ATP8B4: variants seen among roughly 807,000 people sequenced by gnomAD.
ATP8B4 encodes probable phospholipid-transporting ATPase IM.
ATP8B4 carries 133 observed loss-of-function variants against 145.6 expected under a neutral mutation model. The ratio of observed to expected loss-of-function variants is 0.91; its 90% CI spans 0.79 to 1.05. The LOEUF is 1.05. Ranked by LOEUF, ATP8B4 falls within the 50% of genes least tolerant of loss-of-function variation. The pLI is 0.00. For missense variants in ATP8B4, 1,458 were observed against 1,425.2 expected, an observed-to-expected ratio of 1.02 and a Z score of -0.37; for synonymous variants, 507 against 492.9, an observed-to-expected ratio of 1.03 and a Z score of -0.38.
chr15:49,880,305 G>A (rs1051791090), intron 23 of ATP8B4: 4 of 152,164 alleles, frequency 2.6e-5, no homozygotes, highest in African/African-American at 9.7e-5. Flanking sequence ...CTAACATGCA[G>A]CTTTCTGAAA....
chr15:50,112,627 T>C (rs562590490), intron 1 of ATP8B4, among the ~76,000 whole-genome samples: 104 of 152,148 alleles, frequency 6.8e-4, no homozygotes, highest in African/African-American at 2.4e-3. Context: ...TGGCTTTCTA[T>C]CTAGCATTAC....
chr15:49,936,378 C>A (rs772443897), intron 14 of ATP8B4, among the ~76,000 whole-genome samples: 1 of 152,104 alleles, frequency 6.6e-6, no homozygotes, highest in Non-Finnish European at 1.5e-5. Flanking sequence ...AGTTATGAGG[C>A]TTTCTGCTTG....
At chr15:50,095,965 A>G (rs1036863289) in intron 2 of ATP8B4, among the ~76,000 whole-genome samples, 1 of 152,238 alleles carries the variant, frequency 6.6e-6, no homozygotes, top group African/African-American at 2.4e-5. Context: ...TAAAACTATT[A>G]GATCGAAATC....
chr15:49,862,530 C>G (rs1309545513), intron 26 of ATP8B4, among the ~76,000 whole-genome samples, 155 bp from the exon 27 acceptor site: 2 of 151,880 alleles, frequency 1.3e-5, no homozygotes, highest in East Asian at 1.9e-4. Context: ...GATCTCAGCT[C>G]ACTGCAAGCT....
At chr15:49,948,281 C>CAAAAAAA (rs35575312) in intron 14 of ATP8B4, among the ~76,000 whole-genome samples, 4 of 112,316 alleles carry the variant, frequency 3.6e-5, no homozygotes, top group African/African-American at 1.3e-4. Context: ...ACTAAAAATA[C>CAAAAAAA]AAAAAAAAAA....
intron 1 of ATP8B4, among the ~76,000 whole-genome samples, chr15:50,129,174 T>C (rs62023184): frequency 0.063 from 9,570 of 152,286 alleles, 481 homozygotes; most frequent in Non-Finnish European, 0.084. Context: ...CATCACTAAA[T>C]GCAATCTGTT....
intron 6 of ATP8B4, among the ~76,000 whole-genome samples, chr15:50,034,873 GA>G (rs1285852892): frequency 6.6e-6 from 1 of 152,166 alleles, no homozygotes. Context: ...ATGACTTGAG[GA>G]AACATCCTCT....
intron 9 of ATP8B4, among the ~76,000 whole-genome samples, chr15:49,989,349 T>C (rs1036476884): frequency 3.9e-5 from 6 of 152,028 alleles, no homozygotes; most frequent in African/African-American, 1.4e-4. Context: ...AATAACAGGT[T>C]GACAGCAACG....
At chr15:50,090,195 C>T (rs886891534) in intron 2 of ATP8B4, among the ~76,000 whole-genome samples, 2 of 152,018 alleles carry the variant, frequency 1.3e-5, no homozygotes, top group African/African-American at 4.8e-5. Context: ...GGGAAGAACA[C>T]ACACTGGGGC....
intron 2 of ATP8B4, among the ~76,000 whole-genome samples, chr15:50,094,096 G>C (rs1046154754): frequency 6.6e-6 from 1 of 152,128 alleles, no homozygotes; most frequent in Non-Finnish European, 1.5e-5. Context: ...TGGGCTACAG[G>C]GTGCTCAGAT....
intron 3 of ATP8B4, among the ~76,000 whole-genome samples, chr15:50,069,453 G>A (rs931856869): frequency 4.6e-5 from 7 of 152,078 alleles, no homozygotes; most frequent in Admixed American, 3.9e-4. Context: ...TTGTCTGATC[G>A]GGCATAATGT....
chr15:50,129,946 C>CAAAAAAAAAAA (rs59921497), intron 1 of ATP8B4, among the ~76,000 whole-genome samples: 1 of 88,156 alleles, frequency 1.1e-5, no homozygotes, highest in African/African-American at 4.8e-5. Context: ...GACTCTGACT[C>CAAAAAAAAAAA]AAAAAAAAAA....
chr15:49,871,780 G>A (rs1773324444), intron 25 of ATP8B4, among the ~76,000 whole-genome samples: 1 of 152,100 alleles, frequency 6.6e-6, no homozygotes, highest in Non-Finnish European at 1.5e-5. Flanking sequence ...CTGCTTCTAG[G>A]CCACCATTTC....
intron 1 of ATP8B4, among the ~76,000 whole-genome samples, chr15:50,156,020 A>G (rs1477541890): frequency 1.4e-5 from 2 of 146,514 alleles, no homozygotes; most frequent in African/African-American, 2.5e-5. Context: ...TGGTATAAAA[A>G]AAAAACAAAA....
chr15:50,078,224 A>AGT (rs2054310986), intron 2 of ATP8B4, among the ~76,000 whole-genome samples: 1 of 150,582 alleles, frequency 6.6e-6, no homozygotes, highest in Admixed American at 6.6e-5. Context: ...TCTGTCACCC[A>AGT]GGCTGGTATG....
chr15:50,056,745 CAA>C (rs1271796907), intron 3 of ATP8B4, among the ~76,000 whole-genome samples: 2 of 149,836 alleles, frequency 1.3e-5, no homozygotes, highest in East Asian at 3.9e-4. Context: ...ACACCTATAG[CAA>C]AGACAATATA....
intron 24 of ATP8B4, among the ~76,000 whole-genome samples, chr15:49,876,889 A>C (rs1050368624): frequency 6.6e-6 from 1 of 152,206 alleles, no homozygotes; most frequent in African/African-American, 2.4e-5. Context: ...CCAGCACATC[A>C]TGTGCAGCCA....
chr15:50,035,688 G>T (rs1172617502), intron 6 of ATP8B4, among the ~76,000 whole-genome samples: 1 of 152,176 alleles, frequency 6.6e-6, no homozygotes, highest in Non-Finnish European at 1.5e-5. Flanking sequence ...CACAGGAGAA[G>T]GGGTACCTGA....
At chr15:50,052,851 C>T (rs558433093) in intron 3 of ATP8B4, among the ~76,000 whole-genome samples, 27 of 152,094 alleles carry the variant, frequency 1.8e-4, no homozygotes, top group African/African-American at 5.8e-4. Context: ...ATTATCAAGA[C>T]CAAAAGAGTC....
Sources: allele counts gnomAD v4.1 joint callset (sites outside exome capture counted in the v4.1 genomes callset), GRCh38; gene constraint gnomAD v4.1.1; transcripts MANE v1.5; gene names NCBI Gene and HGNC (gene_info 2026-07-23, HGNC 2026-07-21).